The following AP3B2 variants were observed in gnomAD, a reference collection of about 807,000 sequenced individuals.
AP3B2 encodes the protein AP-3 complex subunit beta-2.
Under a neutral mutation model 126.9 loss-of-function variants are expected in AP3B2, and 50 were observed. The ratio of observed to expected loss-of-function variants is 0.39; its 90% CI spans 0.31 to 0.50. The LOEUF is 0.50. Among genes scored for constraint, AP3B2 ranks in the 20% least tolerant of loss-of-function variants. The pLI is 0.79. For synonymous variants in AP3B2, 541 were observed against 565.0 expected (o/e 0.96, Z 0.60); for missense variants, 1,177 against 1,426.4 (o/e 0.83, Z 2.82).
intron 1 of AP3B2, chr15:82,699,715 G>A (rs769853909): frequency 5.8e-5 from 23 of 399,664 alleles, no homozygotes; most frequent in Non-Finnish European, 9.7e-5. Context: ...TTCCTCCTGG[G>A]CCTGCAGCCA....
intron 3 of AP3B2, 23 bp from the exon 4 acceptor site, chr15:82,688,854 G>C: frequency 6.3e-7 from 1 of 1,592,794 alleles, no homozygotes; most frequent in Non-Finnish European, 8.6e-7. Context: ...ACGTTTCTCA[G>C]CAGAACGCTT....
At chr15:82,702,930 G>A (rs1275564523) in intron 1 of AP3B2, among the ~76,000 whole-genome samples, 4 of 152,038 alleles carry the variant, frequency 2.6e-5, no homozygotes, top group African/African-American at 4.8e-5. Flanking sequence ...TCAGGTAAGC[G>A]GCCTCTTTTT....
intron 10 of AP3B2, among the ~76,000 whole-genome samples, chr15:82,678,715 A>G (rs1295942583): frequency 1.3e-5 from 2 of 152,034 alleles, no homozygotes; most frequent in African/African-American, 2.4e-5. Context: ...AGGTCTCCCT[A>G]TTTTATGCCC....
chr15:82,663,308 G>C (rs1478374038), intron 21 of AP3B2, 75 bp from the exon 22 acceptor site: 2 of 1,230,138 alleles, frequency 1.6e-6, no homozygotes, highest in Admixed American at 1.9e-5. Flanking sequence ...AGGGATCAAG[G>C]AGCACGCATT....
chr15:82,663,677 G>C, intron 20 of AP3B2, 57 bp from the exon 21 acceptor site: 1 of 1,612,104 alleles, frequency 6.2e-7, no homozygotes, highest in South Asian at 1.1e-5. Context: ...GGCATGTTCT[G>C]GGTTGGGTAG....
In AP3B2 at chr15:82,677,805, T is replaced by A; in HGVS notation, c.1246-2A>T. 6.3e-7 allele frequency: 1 copy of A among 1,591,978 alleles called. No individual in the cohort carries two copies. Among genetic ancestry groups the A allele is most frequent in the Non-Finnish European group, 8.6e-7 (1 of 1,167,464 alleles). Reference sequence around the variant, plus strand: ...CTTGTCCATGCTGCGAATATAGGTCTGTGGGATATGACAAAGAAATCCCTC... The same window carrying A: ...CTTGTCCATGCTGCGAATATAGGTCAGTGGGATATGACAAAGAAATCCCTC... On this transcript the variant is annotated splice_acceptor_variant, in intron 11 of 26. Coordinates refer to ENST00000535359, the MANE Select transcript of AP3B2 (RefSeq NM_001278512.2). LOFTEE classifies it high-confidence loss of function.
At chr15:82,688,192 C>T in intron 4 of AP3B2, 1 of 515,944 alleles carries the variant, frequency 1.9e-6, no homozygotes, top group Non-Finnish European at 3.4e-6. Context: ...AGAGAATGGC[C>T]TTGAAATGGC....
chr15:82,693,379 T>C (rs1315430452), intron 1 of AP3B2, among the ~76,000 whole-genome samples: 1 of 151,756 alleles, frequency 6.6e-6, no homozygotes, highest in Non-Finnish European at 1.5e-5. Context: ...CCCAAGTAGC[T>C]GGGATTACAG....
intron 1 of AP3B2, among the ~76,000 whole-genome samples, chr15:82,703,097 C>T (rs1038658580): frequency 1.3e-5 from 2 of 152,124 alleles, no homozygotes; most frequent in Non-Finnish European, 2.9e-5. Context: ...ACTCCGGCGC[C>T]GATCACGGAC....
chr15:82,684,442 A>G (rs191859863), intron 4 of AP3B2, among the ~76,000 whole-genome samples: 18 of 152,210 alleles, frequency 1.2e-4, no homozygotes, highest in African/African-American at 4.3e-4. Flanking sequence ...CCATCATAGA[A>G]TTGGAGAGAT....
In AP3B2 at chr15:82,667,011, G is replaced by A. The variant is rs1366407417; in HGVS notation, c.1666-78C>T. 1.7e-4 allele frequency: 245 copies of A among 1,438,446 alleles called. 2 individuals carry two copies. Among genetic ancestry groups the A allele is most frequent in the South Asian group, 1.3e-3 (103 of 76,778 alleles). 89.1% of individuals were successfully genotyped at this position (1,438,446 alleles called of 1,614,324 possible). A position where few individuals can be genotyped will look rare whatever the true frequency, so the allele number is the denominator to read the frequency against. On this transcript the variant is annotated intron_variant, in intron 14 of 26. Transcript: ENST00000535359. ...GGCTCAGAAACAGATTCTTTAAGCC[G>A]ACACTTTCAGGCAGAACGTCTCCTC...
At chr15:82,688,251 G>C in intron 4 of AP3B2, 1 of 593,024 alleles carries the variant, frequency 1.7e-6, no homozygotes, top group Non-Finnish European at 3.0e-6. Flanking sequence ...GCCCTTAGGG[G>C]GGAGACTTAT....
chr15:82,678,140 C>T lies in AP3B2; in HGVS notation c.1210G>A (p.Glu404Lys), dbSNP rs2048275685. ...CGTAGGACAGTAGGAATGTTGGTCTCATTGGCCAGGTTGGTCAGCACTTCC... is the reference window on the plus strand; with the variant it reads ...CGTAGGACAGTAGGAATGTTGGTCTTATTGGCCAGGTTGGTCAGCACTTCC... Reference protein sequence around the residue: ...KLEVLTNLANETNIPTVLREF... With the variant: ...KLEVLTNLANKTNIPTVLREF... The change falls in exon 11 of 27, where the codon GAG becomes AAG. Residue 404 changes from glutamate (E) to lysine (K), a missense_variant. Transcript: ENST00000535359. 2 of 1,613,926 alleles carry T rather than the reference C, an allele frequency of 1.2e-6. No homozygotes were observed. Among genetic ancestry groups the T allele is most frequent in the Non-Finnish European group, 1.7e-6 (2 of 1,179,880 alleles).
At chr15:82,683,080 ACGGAGT>A (rs2048372585) in intron 4 of AP3B2, among the ~76,000 whole-genome samples, 1 of 48,310 alleles carries the variant, frequency 2.1e-5, no homozygotes, top group African/African-American at 6.7e-5. Context: ...TTTTTTTGTA[ACGGAGT>A]CTCGCTCTGT....
At chr15:82,685,243 C>T (rs756303466) in intron 4 of AP3B2, 1 of 152,148 alleles carries the variant, frequency 6.6e-6, no homozygotes, top group Non-Finnish European at 1.5e-5. Context: ...GTGACAGAGG[C>T]ACAATGTGAG....
intron 1 of AP3B2, among the ~76,000 whole-genome samples, chr15:82,695,716 TCA>T (rs2048620722): frequency 6.6e-6 from 1 of 152,292 alleles, no homozygotes; most frequent in South Asian, 2.1e-4. Flanking sequence ...TGTGAGCCAC[TCA>T]CAGAGTTGAA....
chr15:82,709,102 G>A (rs2048838543), intron 1 of AP3B2, among the ~76,000 whole-genome samples: 1 of 152,158 alleles, frequency 6.6e-6, no homozygotes, highest in South Asian at 2.1e-4. Context: ...GTCAGATGGA[G>A]ATGGGGACCA....
At chr15:82,668,270 T>C (rs1045304197) in intron 14 of AP3B2, among the ~76,000 whole-genome samples, 1 of 152,244 alleles carries the variant, frequency 6.6e-6, no homozygotes, top group African/African-American at 2.4e-5. Context: ...GCACCTGCGA[T>C]ACTGTTATAG....
chr15:82,685,732 T>G (rs1052204304), intron 4 of AP3B2: 3 of 152,198 alleles, frequency 2.0e-5, no homozygotes, highest in Admixed American at 1.3e-4. Context: ...GATATTAGTA[T>G]CTTGATTTCA....
Sources: allele counts gnomAD v4.1 joint callset (sites outside exome capture counted in the v4.1 genomes callset), GRCh38; gene constraint gnomAD v4.1.1; transcripts MANE v1.5; gene names NCBI Gene and HGNC (gene_info 2026-07-23, HGNC 2026-07-21).